Variants in OVCH1 observed in about 807,000 individuals in gnomAD.
OVCH1 encodes the protein ovochymase 1, also known as ovochymase-1.
Under a neutral mutation model 138.4 loss-of-function variants are expected in OVCH1, and 139 were observed. The observed-to-expected ratio is 1.00, with a 90% CI of 0.87 to 1.16. The LOEUF (loss-of-function observed/expected upper bound fraction) is 1.16. Ranked by LOEUF, OVCH1 falls within the 50% of genes most tolerant of loss-of-function variation. The pLI is 0.00. For synonymous variants in OVCH1, 453 were observed against 467.8 expected (o/e 0.97, Z 0.41); for missense variants, 1,367 against 1,357.9 (o/e 1.01, Z -0.11).
In OVCH1 at chr12:29,476,755, GCACACACACACACACACACACA is replaced by G. The variant is rs548409739; in HGVS notation, c.1377+325_1377+346del. ...CCAAGCAGCATAAGTACACACGCGC[GCACACACACACACACACACACA>G]CACACACACACACACACACACACAC... On this transcript the variant is annotated intron_variant, in intron 12 of 27. Coordinates refer to ENST00000318184, the Ensembl canonical transcript of OVCH1. 7.7e-5 allele frequency among the ~76,000 whole-genome samples: 8 copies of G among 103,422 alleles called. No individual in the cohort carries two copies. The East Asian group carries it at 1.0e-3, about 13-fold the overall frequency. 67.8% of individuals were successfully genotyped at this position (103,422 alleles called of 152,430 possible). A position where few individuals can be genotyped will look rare whatever the true frequency, so the allele number is the denominator to read the frequency against.
At position 29,450,361 on chromosome 12, in the gene OVCH1, G is replaced by A. The variant is rs1324798398; in HGVS notation, c.2755+984C>T. 3.9e-5 allele frequency among the ~76,000 whole-genome samples: 6 copies of A among 152,192 alleles called. No homozygotes were observed. In the South Asian group the frequency reaches 1.2e-3, roughly 32 times the overall value. ...CCATCAAAAAGTGGGCAAAGGATAT[G>A]AACAGACATTTCTCAAAAGAAGACA... is the stretch of plus-strand genomic sequence containing the variant. On this transcript the variant is annotated intron_variant, in intron 22 of 27. Coordinates refer to ENST00000318184, the Ensembl canonical transcript of OVCH1.
At chr12:29,495,882 C>T (rs1254165083) in intron 3 of OVCH1, among the ~76,000 whole-genome samples, 2 of 152,152 alleles carry the variant, frequency 1.3e-5, no homozygotes, top group Non-Finnish European at 2.9e-5. Context: ...AACTTTGGAG[C>T]ATCCATTTAA....
chr12:29,435,096 C>T (rs1230938035), intron 26 of OVCH1, among the ~76,000 whole-genome samples: 1 of 152,192 alleles, frequency 6.6e-6, no homozygotes, highest in African/African-American at 2.4e-5. Context: ...CTACATATAA[C>T]CTTCATTTAT....
At chr12:29,421,053 T>C (rs11831164) in intron 3 of OVCH1, among the ~76,000 whole-genome samples, 26,293 of 152,204 alleles carry the variant, frequency 0.17, 2,536 homozygotes, top group African/African-American at 0.27. Context: ...AAAGTTAGAA[T>C]GCACTGCTGC....
intron 7 of OVCH1, 102 bp from the exon 8 acceptor site, chr12:29,486,450 C>G: frequency 1.1e-6 from 1 of 933,372 alleles, no homozygotes; most frequent in Non-Finnish European, 1.6e-6. Flanking sequence ...ATTATAACTT[C>G]TACTAAAATC....
At chr12:29,482,104 A>G (rs925400703) in intron 8 of OVCH1, among the ~76,000 whole-genome samples, 1 of 152,194 alleles carries the variant, frequency 6.6e-6, no homozygotes, top group East Asian at 1.9e-4. Flanking sequence ...TCCTCATTCA[A>G]AATCCTCCAA....
chr12:29,463,008 G>A (rs1565588430), intron 18 of OVCH1, among the ~76,000 whole-genome samples: 1 of 152,198 alleles, frequency 6.6e-6, no homozygotes, highest in Non-Finnish European at 1.5e-5. Context: ...TCAGTTGCCT[G>A]GTAGTCATGG....
At chr12:29,455,136 G>T in intron 20 of OVCH1, 113 bp downstream of exon 20, 1 of 1,319,954 alleles carries the variant, frequency 7.6e-7, no homozygotes, top group East Asian at 2.4e-5. Flanking sequence ...GTAACTAAAT[G>T]AAATTCTACT....
chr12:29,407,462 C>A, the OVCH1 span, among the ~76,000 whole-genome samples: 1 of 151,038 alleles, frequency 6.6e-6, no homozygotes, highest in Non-Finnish European at 1.5e-5. Context: ...AGTCTTTAAT[C>A]CATCTTGAAT....
At chr12:29,489,221 T>A (rs745854466) in intron 6 of OVCH1, among the ~76,000 whole-genome samples, 2 of 152,196 alleles carry the variant, frequency 1.3e-5, no homozygotes, top group Admixed American at 6.5e-5. Context: ...TAAAGCTATG[T>A]ATCTTCAGTC....
At chr12:29,419,721 C>G (rs1269084833) in intron 3 of OVCH1, among the ~76,000 whole-genome samples, 2 of 152,092 alleles carry the variant, frequency 1.3e-5, no homozygotes, top group Non-Finnish European at 2.9e-5. Context: ...GTTATATTTA[C>G]TCCCTGTAAA....
chr12:29,456,497 T>C (rs1276508654), intron 19 of OVCH1, among the ~76,000 whole-genome samples: 1 of 152,242 alleles, frequency 6.6e-6, no homozygotes, highest in Non-Finnish European at 1.5e-5. Context: ...TTTCTCTCAA[T>C]ATTTGCATTG....
chr12:29,445,950 G>T lies in OVCH1; in HGVS notation c.2756-547C>A, dbSNP rs148307868. On this transcript the variant is annotated intron_variant, in intron 22 of 27. Transcript: ENST00000318184. ...TTAGGATCAAACTCTTCTAAACTAAGAATAATTCAGTATCATTTTTTAACA... is the reference window on the plus strand; with the variant it reads ...TTAGGATCAAACTCTTCTAAACTAATAATAATTCAGTATCATTTTTTAACA... 3.0e-3 allele frequency among the ~76,000 whole-genome samples: 455 copies of T among 152,150 alleles called. 2 individuals are homozygous for T. The highest frequency in any genetic ancestry group is 5.2e-3 in the Admixed American group (80 of 15,250).
exon 9 of OVCH1, chr12:29,478,886 C>T (rs780584719): frequency 6.3e-7 from 1 of 1,585,990 alleles, no homozygotes; most frequent in South Asian, 1.2e-5. Context: ...TGATCACATC[C>T]AACTTGCTTT....
At chr12:29,432,628 G>A (rs1295902098) in intron 27 of OVCH1, among the ~76,000 whole-genome samples, 2 of 152,260 alleles carry the variant, frequency 1.3e-5, no homozygotes, top group Middle Eastern at 3.4e-3. Flanking sequence ...AAGAAGCTGG[G>A]ACTGGATATA....
intron 8 of OVCH1, among the ~76,000 whole-genome samples, chr12:29,481,019 T>C (rs764678802): frequency 1.3e-5 from 2 of 152,102 alleles, no homozygotes; most frequent in African/African-American, 2.4e-5. Flanking sequence ...GCAGAATCTG[T>C]ATACACTTCT....
rs1254616360 is a variant in OVCH1, at chr12:29,496,690, T to C, written c.65-16A>G. 2 of 1,563,804 alleles carry C rather than the reference T, an allele frequency of 1.3e-6. No individual in the cohort carries two copies. The highest frequency in any genetic ancestry group is 1.1e-5 in the South Asian group (1 of 88,164). ...CACTTCAGTCCTGTGTAGAAGAGCA[T>C]GTGTGTGTGCACACACAGAGCCTTA... is the stretch of plus-strand genomic sequence containing the variant. On this transcript the variant is annotated splice_polypyrimidine_tract_variant and intron_variant, in intron 1 of 27. Coordinates refer to ENST00000318184, the Ensembl canonical transcript of OVCH1.
intron 14 of OVCH1, among the ~76,000 whole-genome samples, chr12:29,473,721 G>T (rs941189364): frequency 6.6e-6 from 1 of 152,098 alleles, no homozygotes; most frequent in Admixed American, 6.6e-5. Flanking sequence ...AACTTGATTG[G>T]ATTGAGGGAC....
intron 22 of OVCH1, among the ~76,000 whole-genome samples, 162 bp from the exon 23 acceptor site, chr12:29,445,565 C>T (rs1386198342): frequency 1.3e-5 from 2 of 152,052 alleles, no homozygotes; most frequent in African/African-American, 4.8e-5. Flanking sequence ...CACTCAATGC[C>T]ACAAACTAGC....
Sources: gnomAD v4.1 joint callset for allele counts (sites outside exome capture counted in the v4.1 genomes callset) on GRCh38, gnomAD v4.1.1 for gene constraint, MANE v1.5 for transcripts, NCBI Gene and HGNC (gene_info 2026-07-23, HGNC 2026-07-21) for gene names.